Variants in TRAPPC11 observed in about 807,000 individuals in gnomAD.
The protein encoded by TRAPPC11 is foie gras homolog.
A neutral mutation model predicts 151.2 loss-of-function variants in TRAPPC11; 104 were observed. The ratio of observed to expected loss-of-function variants is 0.69; its 90% CI spans 0.59 to 0.81. The LOEUF is 0.81. TRAPPC11 is among the 30% of genes least tolerant of loss of function. The probability of loss-of-function intolerance (pLI) is 0.00; values close to 1 mark genes in which losing one functional copy is unlikely to be tolerated. For missense variants in TRAPPC11, 1,230 were observed against 1,349.6 expected, an observed-to-expected ratio of 0.91 and a Z score of 1.39; for synonymous variants, 456 against 472.3, an observed-to-expected ratio of 0.97 and a Z score of 0.45.
chr4:183,674,922 T>G, intron 6 of TRAPPC11, 110 bp downstream of exon 6: 1 of 689,398 alleles, frequency 1.5e-6, no homozygotes, highest in Non-Finnish European at 2.3e-6. Flanking sequence ...TTTCAGCATT[T>G]CTAAAGTTTT....
At position 183,666,411 on chromosome 4, in the gene TRAPPC11, G is replaced by C; in HGVS notation, c.359G>C (p.Arg120Thr). Reference sequence around the variant, plus strand: ...GAAAAGCAGTCTGAGTGCGCCACCAGAGTGGAAATAGTCAGGTATGATCTT... The same window carrying C: ...GAAAAGCAGTCTGAGTGCGCCACCACAGTGGAAATAGTCAGGTATGATCTT... ...WKEKQSECAT[R>T]VEIVRQSLQG... is the part of the protein sequence containing the mutation. The change falls in exon 3 of 30, where the codon AGA (arginine) becomes ACA (threonine). Residue 120 changes from arginine (R) to threonine (T), a missense_variant. Arg to Thr is a moderately conservative substitution (Grantham distance 71). Coordinates refer to ENST00000334690, the MANE Select transcript of TRAPPC11 (RefSeq NM_021942.6). The C allele has an allele frequency of 6.2e-7, 1 of 1,613,786 alleles. No homozygotes were observed. Among genetic ancestry groups the C allele is most frequent in the African/African-American group, 1.3e-5 (1 of 75,044 alleles).
At chr4:183,707,658 C>G (rs1393710952) in intron 28 of TRAPPC11, among the ~76,000 whole-genome samples, 1 of 152,152 alleles carries the variant, frequency 6.6e-6, no homozygotes, top group Non-Finnish European at 1.5e-5. Flanking sequence ...ATTAACTGCT[C>G]TGCATATTCT....
Position 183,693,644 on chromosome 4 carries a change from C to G in TRAPPC11, c.2293C>G (p.Leu765Val). The G allele has an allele frequency of 6.2e-7, 1 of 1,614,104 alleles. No individual in the cohort carries two copies. Among genetic ancestry groups the G allele is most frequent in the Non-Finnish European group, 8.5e-7 (1 of 1,180,000 alleles). ...SVHLLHEPPA[L>V]TNEMYCLVVT... is the part of the protein sequence containing the mutation. Reference sequence around the variant, plus strand: ...ACATCTGCTACATGAACCCCCTGCACTGACTAATGAAATGTATTGTTTGGT... The same window carrying G: ...ACATCTGCTACATGAACCCCCTGCAGTGACTAATGAAATGTATTGTTTGGT... Residue 765 changes from leucine (L) to valine (V), a missense_variant, in exon 21 of 30, where the codon CTG (leucine) becomes GTG (valine). Transcript: ENST00000334690.
chr4:183,709,646 G>A (rs1352579873), intron 29 of TRAPPC11, among the ~76,000 whole-genome samples: 1 of 152,046 alleles, frequency 6.6e-6, no homozygotes, highest in African/African-American at 2.4e-5. Flanking sequence ...GTGGTGGCAG[G>A]CACCTGTAGT....
In TRAPPC11 at chr4:183,705,030, G is replaced by T. The variant is rs532244366; in HGVS notation, c.3015G>T (p.Pro1005=). 5.6e-5 allele frequency: 89 copies of T among 1,598,700 alleles called. 1 individual carries two copies. In the South Asian group the frequency reaches 9.2e-4, roughly 17 times the overall value. The change falls in exon 27 of 30, where the codon CCG becomes CCT. Residue 1005 remains proline (P), a synonymous_variant. Coordinates refer to ENST00000334690, the MANE Select transcript of TRAPPC11 (RefSeq NM_021942.6). The stretch of plus-strand genomic sequence containing the variant: ...TCATCACAACTGTCATCACTCTGCC[G>T]CACGTGATTGTGGAGAATATCCCTC... ...IPIITTVITL[P]HVIVENIPLH...
rs140959482 is a variant in TRAPPC11, at chr4:183,680,261, C to T, written c.1107C>T (p.Asn369=). Residue 369 remains asparagine, a synonymous_variant, in exon 10 of 30, where the codon AAC becomes AAT. Coordinates refer to ENST00000334690, the MANE Select transcript of TRAPPC11 (RefSeq NM_021942.6). ...ERKQLAKTLC[N]HEASVMYPNP... is the part of the protein sequence containing the mutation. ...AACAGCTTGCAAAAACCCTCTGTAA[C>T]CACGAAGTAAGTTACTCACTCCGTA... 6.8e-6 allele frequency: 11 copies of T among 1,613,702 alleles called. No homozygotes were observed. In the African/African-American group the frequency reaches 8.0e-5, roughly 12 times the overall value.
chr4:183,680,469 C>A (rs1735621020), intron 10 of TRAPPC11, among the ~76,000 whole-genome samples: 1 of 152,006 alleles, frequency 6.6e-6, no homozygotes, highest in African/African-American at 2.4e-5. Flanking sequence ...AGAAGTTTTT[C>A]TTTGAAGAAC....
intron 25 of TRAPPC11, 73 bp from the exon 26 acceptor site, chr4:183,701,624 G>C: frequency 9.9e-7 from 1 of 1,007,660 alleles, no homozygotes; most frequent in Non-Finnish European, 1.6e-6. Context: ...TCTTTGTTCT[G>C]TTACTTGGAT....
intron 6 of TRAPPC11, 58 bp from the exon 7 acceptor site, chr4:183,675,106 A>T (rs1735347219): frequency 1.1e-6 from 1 of 924,708 alleles, no homozygotes; most frequent in Admixed American, 3.3e-5. Context: ...AATAAACATT[A>T]TAATTTTCAC....
rs1216500777 is a variant in TRAPPC11, at chr4:183,691,382, C to G, written c.1960C>G (p.Gln654Glu). The G allele has an allele frequency of 6.4e-7, 1 of 1,563,148 alleles. No homozygotes were observed. Among genetic ancestry groups the G allele is most frequent in the Non-Finnish European group, 8.7e-7 (1 of 1,147,988 alleles). Residue 654 changes from glutamine (Q) to glutamate (E), a missense_variant, in exon 19 of 30, where the codon CAA becomes GAA. Transcript: ENST00000334690. ...KANEVLENLT[Q>E]GKMCLVPGKT... ...AAATGAAGTTTTAGAAAATCTGACT[C>G]AAGGAAAGATGTGCCTAGTTCCTGG...
At chr4:183,688,010 T>C (rs1289492048) in intron 18 of TRAPPC11, among the ~76,000 whole-genome samples, 1 of 152,206 alleles carries the variant, frequency 6.6e-6, no homozygotes, top group Non-Finnish European at 1.5e-5. Flanking sequence ...TACAACTCTA[T>C]TATAAACTCA....
At chr4:183,686,309 G>A (rs1447448009) in intron 17 of TRAPPC11, among the ~76,000 whole-genome samples, 1 of 152,000 alleles carries the variant, frequency 6.6e-6, no homozygotes, top group Non-Finnish European at 1.5e-5. Flanking sequence ...GCTAATTTTT[G>A]TATTTTTAGT....
chr4:183,712,626 C>T lies in TRAPPC11; in HGVS notation c.3384C>T (p.Thr1128=), dbSNP rs1737389402. 1.2e-6 allele frequency: 2 copies of T among 1,613,968 alleles called. No homozygotes were observed. The highest frequency in any genetic ancestry group is 1.7e-5 in the Admixed American group (1 of 59,984). Residue 1128 remains threonine (T), a synonymous_variant, in exon 30 of 30, where the codon ACC becomes ACT. Coordinates refer to ENST00000334690, the MANE Select transcript of TRAPPC11 (RefSeq NM_021942.6). ...CACAGGGTCGACTCATGGATGATAC[C>T]TCTATTGCTGCTGCATGATGTTCAA... ...VKPQGRLMDD[T]SIAAA
intron 19 of TRAPPC11, among the ~76,000 whole-genome samples, chr4:183,691,988 T>C (rs1474466801): frequency 1.3e-5 from 2 of 152,198 alleles, no homozygotes; most frequent in Non-Finnish European, 2.9e-5. Context: ...AGGATCTAAG[T>C]AATATCTTTA....
At chr4:183,665,295 C>G (rs572602348) in intron 2 of TRAPPC11, among the ~76,000 whole-genome samples, 6 of 151,882 alleles carry the variant, frequency 4.0e-5, no homozygotes, top group African/African-American at 1.5e-4. Context: ...GGGGTTTCAC[C>G]GTGTTAGCCA....
chr4:183,669,465 CT>C (rs1449182499), intron 5 of TRAPPC11, among the ~76,000 whole-genome samples: 2 of 152,150 alleles, frequency 1.3e-5, no homozygotes, highest in Non-Finnish European at 2.9e-5. Context: ...TTGTCAGATG[CT>C]TTCATAGTCA....
rs145543780 is a variant in TRAPPC11 at position 183,670,075 on chromosome 4, C to CAG, written c.560+1971_560+1972dup. Reference sequence around the variant, plus strand: ...TTTCTTCAGATTTATATTTTATCTTCAGAGAGAGAGAGAGTAAAGCTGAAT... The same window carrying CAG: ...TTTCTTCAGATTTATATTTTATCTTCAGAGAGAGAGAGAGAGTAAAGCTGAAT... On this transcript the variant is annotated intron_variant, in intron 5 of 29. Transcript: ENST00000334690. Among the ~76,000 whole-genome samples the CAG allele has an allele frequency of 2.0e-5, 3 of 151,906 alleles. No homozygotes were observed. The South Asian group carries it at 6.2e-4, about 32-fold the overall frequency.
chr4:183,665,315 C>T (rs370440281), intron 2 of TRAPPC11, among the ~76,000 whole-genome samples: 3 of 151,938 alleles, frequency 2.0e-5, no homozygotes, highest in South Asian at 2.1e-4. Flanking sequence ...AGGATGGTCT[C>T]GATCTCCTGA....
intron 4 of TRAPPC11, 21 bp downstream of exon 4, chr4:183,667,151 G>T: frequency 6.3e-7 from 1 of 1,576,766 alleles, no homozygotes; most frequent in Non-Finnish European, 8.7e-7. Context: ...TCTAATTAAT[G>T]AATTAATTGT....
Sources: gnomAD v4.1 joint callset for allele counts (sites outside exome capture counted in the v4.1 genomes callset) on GRCh38, gnomAD v4.1.1 for gene constraint, MANE v1.5 for transcripts, NCBI Gene and HGNC (gene_info 2026-07-23, HGNC 2026-07-21) for gene names.